The following TNKS variants were observed in gnomAD, a reference collection of about 807,000 sequenced individuals.
The protein encoded by TNKS is tankyrase.
TNKS carries 72 observed loss-of-function variants against 135.8 expected under a neutral mutation model. The ratio of observed to expected loss-of-function variants is 0.53; its 90% CI spans 0.44 to 0.64. The LOEUF is 0.64. Among genes scored for constraint, TNKS ranks in the 30% least tolerant of loss-of-function variants. TNKS has a pLI of 0.00. For synonymous variants in TNKS, 849 were observed against 649.3 expected, an observed-to-expected ratio of 1.31 and a Z score of -4.68; for missense variants, 1,769 against 1,674.0, an observed-to-expected ratio of 1.06 and a Z score of -0.99.
At chr8:9,775,176 T>G (rs1326703465) in intron 26 of TNKS, among the ~76,000 whole-genome samples, 1 of 152,110 alleles carries the variant, frequency 6.6e-6, no homozygotes, top group African/African-American at 2.4e-5. Context: ...TACCCAACTC[T>G]AGAATTAGCA....
In TNKS at chr8:9,729,161, G is replaced by A. The variant is rs865862395; in HGVS notation, c.2002-1729G>A. ...CGGAAGGGCAAAACGGCCAAATGCT[G>A]TGTGAAGCCTCTTTTAGAAAGGCCT... On this transcript the variant is annotated intron_variant, in intron 13 of 26. Coordinates refer to ENST00000310430, the MANE Select transcript of TNKS (RefSeq NM_003747.3). Among the ~76,000 whole-genome samples, 5 of 152,258 alleles carry A rather than the reference G, an allele frequency of 3.3e-5. No individual in the cohort carries two copies. The South Asian group carries it at 6.2e-4, about 19-fold the overall frequency.
intron 1 of TNKS, among the ~76,000 whole-genome samples, chr8:9,559,054 T>C (rs1348335699): frequency 6.6e-6 from 1 of 152,168 alleles, no homozygotes; most frequent in Non-Finnish European, 1.5e-5. Flanking sequence ...GTTTATTTGT[T>C]CCAGAAATAT....
chr8:9,588,453 T>C (rs575176049), intron 2 of TNKS, among the ~76,000 whole-genome samples: 1 of 152,280 alleles, frequency 6.6e-6, no homozygotes, highest in South Asian at 2.1e-4. Flanking sequence ...TTTTTATGTA[T>C]TTTTAGTAGA....
intron 13 of TNKS, 145 bp from the exon 14 acceptor site, chr8:9,730,745 A>G (rs1298379943): frequency 1.1e-6 from 1 of 933,812 alleles, no homozygotes; most frequent in African/African-American, 1.7e-5. Context: ...ATTTCTAAAC[A>G]TTTGTATTGT....
intron 3 of TNKS, among the ~76,000 whole-genome samples, chr8:9,664,210 G>A (rs1801876835): frequency 6.6e-6 from 1 of 152,164 alleles, no homozygotes; most frequent in African/African-American, 2.4e-5. Context: ...GTCTGGTGAG[G>A]GCTTCAGATT....
At chr8:9,606,970 C>T (rs1312248267) in intron 2 of TNKS, among the ~76,000 whole-genome samples, 9 of 151,998 alleles carry the variant, frequency 5.9e-5, no homozygotes, top group Non-Finnish European at 5.9e-5. Flanking sequence ...CTTGTTTTGC[C>T]TCGGTTTTGG....
intron 3 of TNKS, among the ~76,000 whole-genome samples, chr8:9,644,120 G>C (rs1800822441): frequency 6.6e-6 from 1 of 151,910 alleles, no homozygotes; most frequent in Admixed American, 6.6e-5. Flanking sequence ...TGAAGAGAGG[G>C]GGGAATGGGG....
At chr8:9,762,056 C>G (rs537169474) in intron 21 of TNKS, among the ~76,000 whole-genome samples, 1 of 152,322 alleles carries the variant, frequency 6.6e-6, no homozygotes, top group Admixed American at 6.5e-5. Context: ...TGCTTAAACC[C>G]CTGTAATAGA....
chr8:9,610,298 A>AT (rs571176531), intron 2 of TNKS, among the ~76,000 whole-genome samples: 12,590 of 142,174 alleles, frequency 0.089, 556 homozygotes, highest in South Asian at 0.19. Context: ...AAAAATCTAT[A>AT]ATATATATAT....
chr8:9,570,853 C>T lies in TNKS; in HGVS notation c.674-9306C>T, dbSNP rs947264331. Among the ~76,000 whole-genome samples, 11 of 152,116 alleles carry T rather than the reference C, an allele frequency of 7.2e-5. No individual in the cohort carries two copies. The South Asian group carries it at 1.0e-3, about 14-fold the overall frequency. On this transcript the variant is annotated intron_variant, in intron 1 of 26. Coordinates refer to ENST00000310430, the MANE Select transcript of TNKS (RefSeq NM_003747.3). ...CAGTGTGGTGGCATGTCTGTAGCCC[C>T]GGCTACTAGAGAGGCTGAGGTGGGA...
At chr8:9,620,706 A>T (rs181986842) in intron 3 of TNKS, among the ~76,000 whole-genome samples, 2 of 152,268 alleles carry the variant, frequency 1.3e-5, no homozygotes, top group East Asian at 3.9e-4. Flanking sequence ...TAAGCTATTT[A>T]CTGAAACTGG....
intron 1 of TNKS, among the ~76,000 whole-genome samples, chr8:9,562,733 C>G (rs558978678): frequency 2.6e-5 from 4 of 152,116 alleles, no homozygotes; most frequent in African/African-American, 9.6e-5. Context: ...TTCTTCCATA[C>G]CTAAACTTTT....
intron 5 of TNKS, among the ~76,000 whole-genome samples, chr8:9,686,244 GT>G (rs756218536): frequency 9.2e-5 from 14 of 152,196 alleles, no homozygotes; most frequent in Non-Finnish European, 1.8e-4. Context: ...AAGCAGCCAT[GT>G]GACGAGGTCC....
chr8:9,680,828 T>C (rs377099239), intron 5 of TNKS, 28 bp downstream of exon 5: 31 of 1,578,684 alleles, frequency 2.0e-5, no homozygotes, highest in Non-Finnish European at 2.6e-5. Context: ...CAATCCTCTT[T>C]AATTGCAATG....
At position 9,748,216 on chromosome 8, in the gene TNKS, A is replaced by C. The variant is rs1806335618; in HGVS notation, c.2832+4A>C. The C allele has an allele frequency of 6.5e-7, 1 of 1,527,858 alleles. No individual in the cohort carries two copies. Among genetic ancestry groups the C allele is most frequent in the Non-Finnish European group, 8.8e-7 (1 of 1,134,926 alleles). 94.6% of individuals were successfully genotyped at this position (1,527,858 alleles called of 1,614,324 possible). ...GACGCCTCTGGATCTGGCAACAGTA[A>C]GTCCTCATTTCAGATACTGATTATT... is the stretch of plus-strand genomic sequence containing the variant. On this transcript the variant is annotated splice_donor_region_variant and intron_variant, in intron 18 of 26. Coordinates refer to ENST00000310430, the MANE Select transcript of TNKS (RefSeq NM_003747.3).
At chr8:9,625,044 A>G (rs1800006461) in intron 3 of TNKS, among the ~76,000 whole-genome samples, 1 of 152,168 alleles carries the variant, frequency 6.6e-6, no homozygotes, top group Admixed American at 6.5e-5. Flanking sequence ...AGAATTCACT[A>G]GTGAAACCAT....
intron 2 of TNKS, among the ~76,000 whole-genome samples, chr8:9,602,308 A>C (rs75846439): frequency 0.075 from 11,442 of 152,232 alleles, 458 homozygotes; most frequent in South Asian, 0.17. Context: ...CCCATGGTCT[A>C]CGTATCGCAG....
intron 11 of TNKS, among the ~76,000 whole-genome samples, chr8:9,719,844 T>C (rs7014218): frequency 0.076 from 11,600 of 152,256 alleles, 481 homozygotes; most frequent in South Asian, 0.17. Context: ...AAGGAATGTT[T>C]GAATCCTCAA....
intron 2 of TNKS, among the ~76,000 whole-genome samples, chr8:9,593,632 C>T (rs1300959667): frequency 6.6e-6 from 1 of 152,122 alleles, no homozygotes; most frequent in African/African-American, 2.4e-5. Context: ...AAAGTAATAC[C>T]TCTCTGTTAA....
Sources: gnomAD v4.1 joint callset for allele counts (sites outside exome capture counted in the v4.1 genomes callset) on GRCh38, gnomAD v4.1.1 for gene constraint, MANE v1.5 for transcripts, NCBI Gene and HGNC (gene_info 2026-07-23, HGNC 2026-07-21) for gene names.